PRKG1: variants seen among roughly 807,000 people sequenced by gnomAD.
PRKG1 encodes the protein protein kinase cGMP-dependent 1.
PRKG1 carries 35 observed loss-of-function variants against 88.1 expected under a neutral mutation model. That is an observed-to-expected ratio of 0.40 (90% CI 0.30 to 0.53). PRKG1 has a LOEUF of 0.53. PRKG1 is among the 20% of genes least tolerant of loss of function. The pLI, the probability that PRKG1 is intolerant of heterozygous loss-of-function variation, is 0.59. For synonymous variants in PRKG1, 303 were observed against 292.5 expected (o/e 1.04, Z -0.37); for missense variants, 540 against 839.8 (o/e 0.64, Z 4.41).
chr10:51,668,343 G>A (rs552691546), intron 3 of PRKG1, among the ~76,000 whole-genome samples: 16 of 152,154 alleles, frequency 1.1e-4, no homozygotes, highest in South Asian at 2.1e-4. Context: ...TTTTGTGAGT[G>A]TGGAAGAATT....
At chr10:52,081,522 A>G (rs1173216695) in intron 7 of PRKG1, 2 of 450,740 alleles carry the variant, frequency 4.4e-6, no homozygotes, top group Non-Finnish European at 9.0e-6. Flanking sequence ...TAAGGTAGGA[A>G]TTCTATAACA....
intron 5 of PRKG1, among the ~76,000 whole-genome samples, chr10:51,995,442 C>A (rs1844415921): frequency 1.3e-5 from 2 of 152,132 alleles, no homozygotes; most frequent in Admixed American, 1.3e-4. Flanking sequence ...TCTCAGTATA[C>A]AAATATTGAC....
At chr10:51,702,931 G>C (rs2339814) in intron 3 of PRKG1, among the ~76,000 whole-genome samples, 1 of 152,110 alleles carries the variant, frequency 6.6e-6, no homozygotes, top group African/African-American at 2.4e-5. Flanking sequence ...CTGAGCTCAA[G>C]CGATCTGCTT....
At chr10:52,035,235 A>G (rs1204750911) in intron 5 of PRKG1, among the ~76,000 whole-genome samples, 3 of 152,108 alleles carry the variant, frequency 2.0e-5, no homozygotes, top group South Asian at 2.1e-4. Flanking sequence ...ACTAAGAGGT[A>G]TTTTAGTTAT....
chr10:52,268,054 C>T (rs978698983), intron 10 of PRKG1, among the ~76,000 whole-genome samples: 6 of 152,086 alleles, frequency 3.9e-5, no homozygotes, highest in Non-Finnish European at 8.8e-5. Flanking sequence ...GGTACCCTGA[C>T]TTTCTGGTTA....
chr10:51,993,850 A>T (rs1419380136), intron 5 of PRKG1, among the ~76,000 whole-genome samples: 1 of 152,140 alleles, frequency 6.6e-6, no homozygotes, highest in Non-Finnish European at 1.5e-5. Context: ...ACCTTTATAA[A>T]CATTAACTCT....
chr10:52,223,458 T>C (rs1840302371), intron 9 of PRKG1, among the ~76,000 whole-genome samples: 2 of 152,202 alleles, frequency 1.3e-5, no homozygotes, highest in African/African-American at 4.8e-5. Context: ...CCATCTCTGC[T>C]ACTTTGGTTG....
intron 3 of PRKG1, among the ~76,000 whole-genome samples, chr10:51,478,301 A>G (rs987957191): frequency 5.3e-5 from 8 of 152,124 alleles, no homozygotes; most frequent in African/African-American, 1.9e-4. Context: ...GCAGCCTGGA[A>G]ATTCAAGACT....
intron 7 of PRKG1, among the ~76,000 whole-genome samples, chr10:52,091,622 T>G (rs904615306): frequency 6.6e-6 from 1 of 152,190 alleles, no homozygotes; most frequent in Non-Finnish European, 1.5e-5. Context: ...TTTTAGACAT[T>G]TGCAAACAGT....
At chr10:52,088,386 A>C (rs1037916631) in intron 7 of PRKG1, among the ~76,000 whole-genome samples, 1 of 151,456 alleles carries the variant, frequency 6.6e-6, no homozygotes, top group South Asian at 2.1e-4. Flanking sequence ...TATATATTCA[A>C]TTTAACTTAG....
At chr10:51,552,922 A>G (rs957287213) in intron 3 of PRKG1, among the ~76,000 whole-genome samples, 21 of 151,632 alleles carry the variant, frequency 1.4e-4, no homozygotes, top group Non-Finnish European at 2.7e-4. Flanking sequence ...ATCTAATTTC[A>G]AGTCTCACTA....
intron 2 of PRKG1, among the ~76,000 whole-genome samples, chr10:51,418,369 C>T (rs1043578501): frequency 3.9e-5 from 6 of 152,102 alleles, no homozygotes; most frequent in Admixed American, 2.0e-4. Context: ...AATTTGTAGA[C>T]TAAAATGGCC....
chr10:51,409,821 T>C (rs560946730), intron 2 of PRKG1, among the ~76,000 whole-genome samples: 2 of 124,762 alleles, frequency 1.6e-5, no homozygotes, highest in Admixed American at 1.0e-4. Flanking sequence ...GCCACTGCAC[T>C]CCAGCCTGGC....
In PRKG1 at chr10:52,285,715, G is replaced by A. The variant is rs191989530; in HGVS notation, c.1710-3011G>A. Among the ~76,000 whole-genome samples the A allele has an allele frequency of 3.0e-3, 454 of 152,162 alleles. 3 individuals are homozygous for A. Among genetic ancestry groups the A allele is most frequent in the Non-Finnish European group, 4.9e-3 (333 of 67,982 alleles). On this transcript the variant is annotated intron_variant, in intron 14 of 17. Transcript: ENST00000373980. ...TATAATTTCTTTGAGGCTATCAAAA[G>A]CATGATCTCCCTAAAAAGTAACCTC...
intron 1 of PRKG1, among the ~76,000 whole-genome samples, chr10:51,049,743 T>TA (rs1366114979): frequency 6.6e-6 from 1 of 152,250 alleles, no homozygotes; most frequent in Non-Finnish European, 1.5e-5. Flanking sequence ...CACAGGGTCT[T>TA]ATGCCCAACA....
At chr10:51,187,191 AT>A (rs1430593382) in intron 2 of PRKG1, among the ~76,000 whole-genome samples, 3 of 151,652 alleles carry the variant, frequency 2.0e-5, no homozygotes, top group Non-Finnish European at 2.9e-5. Context: ...ATAGAATATG[AT>A]TCTGTATTTT....
At chr10:51,338,714 C>A (rs1841935541) in intron 2 of PRKG1, among the ~76,000 whole-genome samples, 1 of 152,194 alleles carries the variant, frequency 6.6e-6, no homozygotes. Flanking sequence ...TTCATCATTT[C>A]AGATAAATCT....
At chr10:52,031,265 A>T (rs1845468003) in intron 5 of PRKG1, among the ~76,000 whole-genome samples, 1 of 152,208 alleles carries the variant, frequency 6.6e-6, no homozygotes, top group Non-Finnish European at 1.5e-5. Context: ...TAGCACCTGT[A>T]AGAAACACCT....
At chr10:51,305,711 C>A (rs921049555) in intron 2 of PRKG1, among the ~76,000 whole-genome samples, 6 of 152,126 alleles carry the variant, frequency 3.9e-5, no homozygotes, top group Admixed American at 6.6e-5. Context: ...TTCCTCTGCT[C>A]CAGCTTTCTG....
Sources: allele counts gnomAD v4.1 joint callset (sites outside exome capture counted in the v4.1 genomes callset), GRCh38; gene constraint gnomAD v4.1.1; transcripts MANE v1.5; gene names NCBI Gene and HGNC (gene_info 2026-07-23, HGNC 2026-07-21).